Variants in OXSR1 observed in about 807,000 individuals in gnomAD.
OXSR1 encodes serine/threonine-protein kinase OSR1.
OXSR1 carries 24 observed loss-of-function variants against 79.8 expected under a neutral mutation model. The observed-to-expected ratio is 0.30, with a 90% CI of 0.22 to 0.42. OXSR1 has a LOEUF of 0.42. Among genes scored for constraint, OXSR1 ranks in the 10% least tolerant of loss-of-function variants. OXSR1 has a pLI of 1.00. For synonymous variants in OXSR1, 226 were observed against 209.2 expected (o/e 1.08, Z -0.69); for missense variants, 430 against 618.4 (o/e 0.70, Z 3.23).
At chr3:38,195,480 G>A (rs1702057880) in intron 3 of OXSR1, among the ~76,000 whole-genome samples, 2 of 152,170 alleles carry the variant, frequency 1.3e-5, no homozygotes, top group African/African-American at 4.8e-5. Context: ...GGAATACTCA[G>A]ACCAAGCAAA....
chr3:38,201,385 G>T (rs777806336), intron 4 of OXSR1, among the ~76,000 whole-genome samples: 66 of 151,934 alleles, frequency 4.3e-4, no homozygotes, highest in Admixed American at 9.2e-4. Flanking sequence ...AACATAGTGA[G>T]ACCTTGTCTC....
At chr3:38,248,823 TA>T (rs1465606351) in intron 14 of OXSR1, among the ~76,000 whole-genome samples, 1 of 152,198 alleles carries the variant, frequency 6.6e-6, no homozygotes, top group Non-Finnish European at 1.5e-5. Flanking sequence ...ACATAAAGAA[TA>T]ACACTTTAAG....
At chr3:38,193,140 G>T in intron 3 of OXSR1, 1 of 468,056 alleles carries the variant, frequency 2.1e-6, no homozygotes, top group South Asian at 1.8e-5. Context: ...AGGAGTAAAT[G>T]AGATGATACA....
At chr3:38,187,782 C>A (rs1168671422) in intron 2 of OXSR1, among the ~76,000 whole-genome samples, 2 of 152,014 alleles carry the variant, frequency 1.3e-5, no homozygotes, top group South Asian at 2.1e-4. Flanking sequence ...GGCGGAGTCT[C>A]ACTCTGTTGC....
intron 2 of OXSR1, among the ~76,000 whole-genome samples, chr3:38,187,276 A>G (rs1425971668): frequency 6.6e-6 from 1 of 152,170 alleles, no homozygotes; most frequent in Non-Finnish European, 1.5e-5. Flanking sequence ...AATACAATCC[A>G]CTAAATTTAT....
Position 38,245,389 on chromosome 3 carries a change from C to CT in OXSR1, c.1111-679dup, listed in dbSNP as rs1020445160. 1.5e-4 allele frequency among the ~76,000 whole-genome samples: 23 copies of CT among 152,068 alleles called. 1 individual carries two copies. Among genetic ancestry groups the CT allele is most frequent in the African/African-American group, 5.3e-4 (22 of 41,490 alleles). On this transcript the variant is annotated intron_variant, in intron 12 of 17. Transcript: ENST00000311806. ...ATACAAAATAACATATATAAAATAT[C>CT]TTTTTTTAGTTTTAAAGCATCACAT...
chr3:38,198,599 G>C (rs1284115235), intron 3 of OXSR1, 123 bp from the exon 4 acceptor site: 1 of 641,970 alleles, frequency 1.6e-6, no homozygotes, highest in Non-Finnish European at 2.5e-6. Flanking sequence ...CATATTTGCT[G>C]TTTTTTTCAT....
chr3:38,246,056 G>A lies in OXSR1; in HGVS notation c.1111-19G>A. On this transcript the variant is annotated intron_variant, in intron 12 of 17. Coordinates refer to ENST00000311806, the MANE Select transcript of OXSR1 (RefSeq NM_005109.3). ...CTTTCCACACAACTTAAGCAACACT[G>A]TGTGTGTTTTTGTTACAGCTCTTTC... The A allele has an allele frequency of 1.9e-6, 3 of 1,612,214 alleles. No homozygotes were observed. Among genetic ancestry groups the A allele is most frequent in the Non-Finnish European group, 2.5e-6 (3 of 1,178,434 alleles).
chr3:38,202,981 A>G (rs541912066), intron 4 of OXSR1, among the ~76,000 whole-genome samples: 5 of 152,212 alleles, frequency 3.3e-5, no homozygotes, highest in African/African-American at 1.2e-4. Context: ...AGAAGGCTGG[A>G]TATTATCCAG....
intron 2 of OXSR1, among the ~76,000 whole-genome samples, chr3:38,185,275 T>C (rs1322065421): frequency 6.6e-6 from 1 of 152,146 alleles, no homozygotes; most frequent in Non-Finnish European, 1.5e-5. Flanking sequence ...ATCACAGTTA[T>C]AACAAACTAA....
At chr3:38,222,432 A>T (rs1382928999) in intron 6 of OXSR1, among the ~76,000 whole-genome samples, 20 of 152,144 alleles carry the variant, frequency 1.3e-4, no homozygotes. Context: ...CAGGAACTGT[A>T]CCTGGTCGTT....
Position 38,165,963 on chromosome 3 carries a change from C to T in OXSR1, c.70+17C>T, listed in dbSNP as rs1422853578. 3.1e-6 allele frequency: 5 copies of T among 1,605,892 alleles called. No homozygotes were observed. The highest frequency in any genetic ancestry group is 3.4e-6 in the Non-Finnish European group (4 of 1,176,092). ...AGGTGATCGGTGAGAGCAGGCGCTG[C>T]GGAGGGGGGAGGCGCGGCGCTGGGA... On this transcript the variant is annotated intron_variant, in intron 1 of 17. Transcript: ENST00000311806.
In OXSR1 at chr3:38,244,928, T is replaced by A. The variant is rs528991768; in HGVS notation, c.1111-1147T>A. ...CGTGCTCATCAACGAGGGTTCCAAT[T>A]TCTGTGCATCCTCTCATTACTTTTA... On this transcript the variant is annotated intron_variant, in intron 12 of 17. Coordinates refer to ENST00000311806, the MANE Select transcript of OXSR1 (RefSeq NM_005109.3). Among the ~76,000 whole-genome samples, 5 of 152,302 alleles carry A rather than the reference T, an allele frequency of 3.3e-5. No individual in the cohort carries two copies. In the East Asian group the frequency reaches 9.6e-4, roughly 29 times the overall value.
intron 4 of OXSR1, among the ~76,000 whole-genome samples, chr3:38,208,078 T>G (rs1229909711): frequency 6.6e-6 from 1 of 151,944 alleles, no homozygotes; most frequent in Non-Finnish European, 1.5e-5. Flanking sequence ...TTATGTTAAT[T>G]GCTAATATCA....
At chr3:38,164,196 C>T (rs376350365), upstream of OXSR1, among the ~76,000 whole-genome samples, 1 of 152,102 alleles carries the variant, frequency 6.6e-6, no homozygotes, top group African/African-American at 2.4e-5. Context: ...ACGGTGTCTC[C>T]GTCTGTTGCC....
At chr3:38,206,078 A>T (rs1271305944) in intron 4 of OXSR1, among the ~76,000 whole-genome samples, 2 of 152,354 alleles carry the variant, frequency 1.3e-5, no homozygotes, top group African/African-American at 4.8e-5. Context: ...TCTCTAAAGA[A>T]AAAAAGTTAT....
At chr3:38,166,768 C>G (rs1701470051) in intron 1 of OXSR1, among the ~76,000 whole-genome samples, 1 of 126,886 alleles carries the variant, frequency 7.9e-6, no homozygotes, top group Non-Finnish European at 1.6e-5. Context: ...CCAGCCTGGG[C>G]GACAAACCCT....
At chr3:38,190,584 G>A (rs1575321360) in intron 2 of OXSR1, 147 bp from the exon 3 acceptor site, 1 of 593,478 alleles carries the variant, frequency 1.7e-6, no homozygotes, top group African/African-American at 1.9e-5. Flanking sequence ...GGTTTTATTG[G>A]TTTAACCCTT....
chr3:38,194,379 C>T (rs1252938983), intron 3 of OXSR1, among the ~76,000 whole-genome samples: 3 of 152,096 alleles, frequency 2.0e-5, no homozygotes, highest in Non-Finnish European at 4.4e-5. Flanking sequence ...TGGCAAGACC[C>T]TGTCTCTACC....
Sources: gnomAD v4.1 joint callset for allele counts (sites outside exome capture counted in the v4.1 genomes callset) on GRCh38, gnomAD v4.1.1 for gene constraint, MANE v1.5 for transcripts, NCBI Gene and HGNC (gene_info 2026-07-23, HGNC 2026-07-21) for gene names.